IL6ST: variants seen among roughly 807,000 people sequenced by gnomAD.
IL6ST encodes interleukin-6 receptor subunit beta.
IL6ST carries 24 observed loss-of-function variants against 91.3 expected under a neutral mutation model. That is an observed-to-expected ratio of 0.26 (90% CI 0.19 to 0.37). The LOEUF is 0.37. Among genes scored for constraint, IL6ST ranks in the 10% least tolerant of loss-of-function variants. The pLI, the probability that IL6ST is intolerant of heterozygous loss-of-function variation, is 1.00. For synonymous variants in IL6ST, 351 were observed against 373.6 expected, an observed-to-expected ratio of 0.94 and a Z score of 0.70; for missense variants, 914 against 1,078.5, an observed-to-expected ratio of 0.85 and a Z score of 2.14.
intron 1 of IL6ST, among the ~76,000 whole-genome samples, chr5:55,984,703 C>T (rs189423395): frequency 6.6e-6 from 1 of 152,096 alleles, no homozygotes; most frequent in East Asian, 1.9e-4. Flanking sequence ...AATTCCAAAA[C>T]GTTTTGAGCT....
At chr5:55,958,377 A>T (rs1156947107) in intron 8 of IL6ST, among the ~76,000 whole-genome samples, 1 of 152,230 alleles carries the variant, frequency 6.6e-6, no homozygotes, top group East Asian at 1.9e-4. Flanking sequence ...TTAATTTTTT[A>T]GCAATAAGTA....
In IL6ST at chr5:55,954,937, C is replaced by G; in HGVS notation, c.1323G>C (p.Val441=). ...CAGATTCCCTTGGAGTAGTCCATTC[C>G]ACCCAAAGCATGTTATCTTTGGGGA... ...KAFPKDNMLW[V]EWTTPRESVK... is the part of the protein sequence containing the mutation. Residue 441 remains valine (V), a synonymous_variant, in exon 11 of 17, where the codon GTG becomes GTC. Transcript: ENST00000381298. The G allele has an allele frequency of 6.2e-7, 1 of 1,612,654 alleles. No homozygotes were observed. Among genetic ancestry groups the G allele is most frequent in the Non-Finnish European group, 8.5e-7 (1 of 1,179,068 alleles).
rs115224808 is a variant in IL6ST at position 55,949,503 on chromosome 5, T to G, written c.1841-1914A>C. ...AACAAACAAACAAAAAATATACATA[T>G]GGGCTTTTATGTGTGTGTGTACACA... On this transcript the variant is annotated intron_variant, in intron 14 of 16. Transcript: ENST00000381298. Among the ~76,000 whole-genome samples the G allele has an allele frequency of 8.6e-3, 1,309 of 152,162 alleles. 17 individuals are homozygous for G. Among genetic ancestry groups the G allele is most frequent in the African/African-American group, 0.03 (1,236 of 41,506 alleles).
At chr5:55,961,926 A>T (rs1752342517) in intron 7 of IL6ST, among the ~76,000 whole-genome samples, 1 of 152,238 alleles carries the variant, frequency 6.6e-6, no homozygotes, top group Non-Finnish European at 1.5e-5. Context: ...TATACAGGTC[A>T]GCATGACACA....
chr5:55,947,107 G>A (rs1204823647), intron 15 of IL6ST, among the ~76,000 whole-genome samples: 1 of 152,152 alleles, frequency 6.6e-6, no homozygotes, highest in Non-Finnish European at 1.5e-5. Flanking sequence ...TGAAGGCTGA[G>A]GCAGGAGTCT....
intron 2 of IL6ST, among the ~76,000 whole-genome samples, chr5:55,979,753 A>G (rs545782015): frequency 2.6e-4 from 39 of 152,368 alleles, no homozygotes; most frequent in South Asian, 2.3e-3. Flanking sequence ...AATCAAAATT[A>G]AAACACACAC....
rs117484855 is a variant in IL6ST, at chr5:55,991,312, T to C, written c.-104+3472A>G. 1.6e-3 allele frequency among the ~76,000 whole-genome samples: 247 copies of C among 152,338 alleles called. 3 individuals are homozygous for C. The highest frequency in any genetic ancestry group is 0.01 in the Admixed American group (154 of 15,302). ...AAAAAGTCACAAGGACTTACCATTT[T>C]TCCCTATCTACAAACAACTCATCCT... On this transcript the variant is annotated intron_variant, in intron 1 of 16. Transcript: ENST00000381298.
intron 2 of IL6ST, among the ~76,000 whole-genome samples, chr5:55,977,548 G>T (rs984388150): frequency 1.3e-5 from 2 of 152,140 alleles, no homozygotes; most frequent in Admixed American, 6.5e-5. Context: ...ACATTTGGCA[G>T]GACGCGATGG....
At chr5:55,963,017 G>C (rs1752412759) in intron 7 of IL6ST, among the ~76,000 whole-genome samples, 1 of 151,784 alleles carries the variant, frequency 6.6e-6, no homozygotes, top group Admixed American at 6.6e-5. Flanking sequence ...ACTAAGGCAG[G>C]AGGATCACTT....
At chr5:55,988,585 A>T (rs767335222) in intron 1 of IL6ST, among the ~76,000 whole-genome samples, 4 of 150,272 alleles carry the variant, frequency 2.7e-5, no homozygotes, top group African/African-American at 7.3e-5. Context: ...TGACCAACAT[A>T]GAGAAACCCT....
chr5:55,966,637 G>A (rs762382911), intron 5 of IL6ST, among the ~76,000 whole-genome samples: 4 of 152,156 alleles, frequency 2.6e-5, no homozygotes, highest in Non-Finnish European at 5.9e-5. Flanking sequence ...ATTAATGACT[G>A]CAACTCACTA....
rs1241507775 is a variant in IL6ST, at chr5:55,937,143, C to A, written c.*3939G>T. The A allele has an allele frequency of 9.5e-6, 2 of 210,172 alleles. No homozygotes were observed. The highest frequency in any genetic ancestry group is 1.9e-4 in the South Asian group (1 of 5,332). 13.0% of individuals were successfully genotyped at this position (210,172 alleles called of 1,614,324 possible). On this transcript the variant is annotated 3_prime_UTR_variant, in exon 17 of 17. Transcript: ENST00000381298. ...GTTCAAGAGATAAAAGAACATCATT[C>A]AGACAAAGCCTGTGTTCAAGAAATA...
At chr5:55,993,227 A>G (rs137884704) in intron 1 of IL6ST, among the ~76,000 whole-genome samples, 1 of 152,344 alleles carries the variant, frequency 6.6e-6, no homozygotes, top group East Asian at 1.9e-4. Flanking sequence ...TTAAGTTCCC[A>G]AACCAAATTG....
intron 1 of IL6ST, among the ~76,000 whole-genome samples, chr5:55,984,352 C>A (rs1175637922): frequency 6.6e-6 from 1 of 152,092 alleles, no homozygotes. Flanking sequence ...GAAGTCTTAA[C>A]CCCAGTAGCA....
chr5:55,940,999 T>C lies in IL6ST; in HGVS notation c.*83A>G. The C allele has an allele frequency of 7.2e-7, 1 of 1,393,968 alleles. No homozygotes were observed. Among genetic ancestry groups the C allele is most frequent in the East Asian group, 2.3e-5 (1 of 43,516 alleles). 86.3% of individuals were successfully genotyped at this position (1,393,968 alleles called of 1,614,324 possible). A position where few individuals can be genotyped will look rare whatever the true frequency, so the allele number is the denominator to read the frequency against. ...GATCATCTTCAGAGAGTGAAGACTTTTTAAAATCTGAATTCACAGATAAAA... is the reference window on the plus strand; with the variant it reads ...GATCATCTTCAGAGAGTGAAGACTTCTTAAAATCTGAATTCACAGATAAAA... On this transcript the variant is annotated 3_prime_UTR_variant, in exon 17 of 17. Transcript: ENST00000381298.
chr5:55,980,076 C>T (rs1311951316), intron 2 of IL6ST, among the ~76,000 whole-genome samples: 1 of 152,138 alleles, frequency 6.6e-6, no homozygotes, highest in East Asian at 1.9e-4. Flanking sequence ...ACAAAACACA[C>T]ATTCGTTTTT....
At chr5:55,958,457 C>A (rs940718124) in intron 8 of IL6ST, among the ~76,000 whole-genome samples, 1 of 151,650 alleles carries the variant, frequency 6.6e-6, no homozygotes, top group Admixed American at 6.6e-5. Flanking sequence ...TTAAAAAAAT[C>A]AATGGCATTA....
chr5:55,955,286 C>T (rs1468781822), intron 10 of IL6ST, among the ~76,000 whole-genome samples: 1 of 151,944 alleles, frequency 6.6e-6, no homozygotes, highest in Non-Finnish European at 1.5e-5. Flanking sequence ...GGTGAAACCC[C>T]GTCTCTACTA....
intron 14 of IL6ST, among the ~76,000 whole-genome samples, chr5:55,950,531 G>T (rs1241597703): frequency 1.2e-5 from 1 of 84,950 alleles, no homozygotes; most frequent in Non-Finnish European, 2.0e-5. Context: ...GCGAGACTCT[G>T]TCTCAAAAAA....
Sources: gnomAD v4.1 joint callset for allele counts (sites outside exome capture counted in the v4.1 genomes callset) on GRCh38, gnomAD v4.1.1 for gene constraint, MANE v1.5 for transcripts, NCBI Gene and HGNC (gene_info 2026-07-23, HGNC 2026-07-21) for gene names.